Variants in RELN observed in about 807,000 individuals in gnomAD.
RELN encodes reelin.
Under a neutral mutation model 427.6 loss-of-function variants are expected in RELN, and 108 were observed. The ratio of observed to expected loss-of-function variants is 0.25; its 90% CI spans 0.22 to 0.30. The LOEUF (loss-of-function observed/expected upper bound fraction) is 0.30, where lower values mean the gene tolerates loss of function less well. RELN is among the 10% of genes least tolerant of loss of function. The probability of loss-of-function intolerance (pLI) is 1.00; values close to 1 mark genes in which losing one functional copy is unlikely to be tolerated. For synonymous variants in RELN, 1,524 were observed against 1,513.4 expected, an observed-to-expected ratio of 1.01 and a Z score of -0.16; for missense variants, 3,715 against 4,302.8, an observed-to-expected ratio of 0.86 and a Z score of 3.82.
chr7:103,701,031 T>G (rs1173939690), intron 8 of RELN, 25 bp from the exon 9 acceptor site: 1 of 1,384,962 alleles, frequency 7.2e-7, no homozygotes, highest in Non-Finnish European at 1.0e-6. Context: ...AACAATAAAT[T>G]TCAAGGTTAA....
chr7:103,943,234 G>A (rs1434922820), intron 1 of RELN, among the ~76,000 whole-genome samples: 1 of 152,144 alleles, frequency 6.6e-6, no homozygotes, highest in Admixed American at 6.5e-5. Context: ...GGTCATAGTG[G>A]ATGTAACAGG....
chr7:103,727,395 A>G (rs1019548299), intron 7 of RELN, among the ~76,000 whole-genome samples: 5 of 152,090 alleles, frequency 3.3e-5, no homozygotes, highest in Admixed American at 2.0e-4. Flanking sequence ...CTTTTATATT[A>G]TTTTCCAGAA....
intron 26 of RELN, 81 bp from the exon 27 acceptor site, chr7:103,593,963 C>CA: frequency 9.4e-7 from 1 of 1,063,870 alleles, no homozygotes; most frequent in African/African-American, 1.6e-5. Context: ...TCATGACATG[C>CA]TGGGCCATGT....
At chr7:103,895,120 T>C (rs1468810811) in intron 2 of RELN, among the ~76,000 whole-genome samples, 1 of 152,166 alleles carries the variant, frequency 6.6e-6, no homozygotes, top group Non-Finnish European at 1.5e-5. Flanking sequence ...TATTTTATCT[T>C]CCTGTTAATT....
intron 3 of RELN, among the ~76,000 whole-genome samples, chr7:103,795,142 GTA>G (rs1792269193): frequency 6.6e-6 from 1 of 152,144 alleles, no homozygotes; most frequent in Non-Finnish European, 1.5e-5. Flanking sequence ...AAGTCAATTT[GTA>G]TGGAACAATC....
At chr7:103,731,484 CCTT>C (rs1197953125) in intron 6 of RELN, among the ~76,000 whole-genome samples, 1 of 151,188 alleles carries the variant, frequency 6.6e-6, no homozygotes, top group Non-Finnish European at 1.5e-5. Flanking sequence ...CAAATCCTCT[CCTT>C]CTATTTTTTT....
At chr7:103,704,411 A>T (rs1480111594) in intron 8 of RELN, among the ~76,000 whole-genome samples, 2 of 152,182 alleles carry the variant, frequency 1.3e-5, no homozygotes, top group African/African-American at 4.8e-5. Context: ...AAAAAATAGG[A>T]ACACAGATTA....
intron 50 of RELN, among the ~76,000 whole-genome samples, chr7:103,511,281 CAAAAG>C (rs957912409): frequency 3.9e-5 from 6 of 151,922 alleles, no homozygotes; most frequent in African/African-American, 1.5e-4. Flanking sequence ...AAATGAAAAT[CAAAAG>C]GAAATAACTA....
At chr7:103,665,362 GTATA>G (rs781583835) in intron 11 of RELN, among the ~76,000 whole-genome samples, 8,438 of 90,820 alleles carry the variant, frequency 0.093, 279 homozygotes, top group East Asian at 0.19. Flanking sequence ...GTGTGTGTGT[GTATA>G]TATATATATA....
At chr7:103,489,203 G>GGTGTGTGT (rs3051647) in intron 60 of RELN, among the ~76,000 whole-genome samples, 6,760 of 147,834 alleles carry the variant, frequency 0.046, 215 homozygotes, top group African/African-American at 0.082. Flanking sequence ...GTCATAAAGG[G>GGTGTGTGT]GTGTGTGTGT....
chr7:103,593,395 A>G (rs1336191431), intron 27 of RELN, among the ~76,000 whole-genome samples: 1 of 152,214 alleles, frequency 6.6e-6, no homozygotes, highest in Non-Finnish European at 1.5e-5. Flanking sequence ...ATTAAGTCAC[A>G]ATCAGATTGA....
At chr7:103,879,992 TG>T (rs1584326277) in intron 2 of RELN, among the ~76,000 whole-genome samples, 2 of 152,222 alleles carry the variant, frequency 1.3e-5, no homozygotes, top group East Asian at 3.9e-4. Flanking sequence ...AAAAACTGCT[TG>T]TAAGCATTTT....
At position 103,572,219 on chromosome 7, in the gene RELN, C is replaced by T. The variant is rs1830898146; in HGVS notation, c.4553G>A (p.Gly1518Asp). Residue 1518 changes from glycine (G) to aspartate (D), a missense_variant, in exon 31 of 65, where the codon GGC (glycine) becomes GAC (aspartate). By Grantham distance (94) the Gly-to-Asp change is moderately conservative. Around this residue, in one of 4 missense-constraint regions of RELN, gnomAD observed 2,208 missense variants for 2,361.7 expected, o/e 0.93. Coordinates refer to ENST00000428762, the MANE Select transcript of RELN (RefSeq NM_005045.4). ...FYIQIGSKTS[G>D]ITCIKPRTRN... ...AGTTCTTGGTTTGATGCAGGTAATG[C>T]CTGAAGTTTTGCTTCCAATTTGTAT... 1.3e-6 allele frequency: 2 copies of T among 1,597,884 alleles called. No homozygotes were observed. Among genetic ancestry groups the T allele is most frequent in the Middle Eastern group, 1.7e-4 (1 of 6,048 alleles).
intron 2 of RELN, among the ~76,000 whole-genome samples, chr7:103,916,842 TG>T (rs1381005089): frequency 1.5e-4 from 23 of 152,070 alleles, no homozygotes; most frequent in Non-Finnish European, 3.2e-4. Flanking sequence ...ATTGCGGCAG[TG>T]GAGGGAGAGA....
chr7:103,589,683 T>A lies in RELN; in HGVS notation c.4058A>T (p.Glu1353Val). The A allele has an allele frequency of 6.2e-7, 1 of 1,614,120 alleles. No homozygotes were observed. Among genetic ancestry groups the A allele is most frequent in the South Asian group, 1.1e-5 (1 of 91,078 alleles). The part of the protein sequence containing the change: ...AGKGCEGNSR[E>V]LSEPTMYHTG... ...GTGATACATGGTGGGCTCACTTAGT[T>A]CTCTGGAGTTTCCTTCGCATCCTTT... The change falls in exon 28 of 65, where the codon GAA (glutamate) becomes GTA (valine). Residue 1353 changes from glutamate to valine, a missense_variant. By Grantham distance (121) the Glu-to-Val change is moderately radical (BLOSUM62 -2). This residue lies in a region of RELN where 2,208 missense variants were observed against 2,361.7 expected (regional missense o/e 0.93). Transcript: ENST00000428762.
chr7:103,590,094 A>C lies in RELN; in HGVS notation c.3913-266T>G, dbSNP rs362658. ...AGGAGAGAAGAGAGAAGCACAGTGT[A>C]TGTGGTTCTTGAGTCTCAGACAAAA... On this transcript the variant is annotated intron_variant, in intron 27 of 64. Transcript: ENST00000428762. Among the ~76,000 whole-genome samples, 114,616 of 152,134 alleles carry C rather than the reference A, an allele frequency of 0.75. 43,727 individuals are homozygous for C. The highest frequency in any genetic ancestry group is 0.86 in the African/African-American group (35,883 of 41,512).
chr7:103,734,503 T>C (rs976985617), intron 6 of RELN, among the ~76,000 whole-genome samples: 5 of 152,196 alleles, frequency 3.3e-5, no homozygotes, highest in Non-Finnish European at 7.3e-5. Flanking sequence ...TTAAAAGACA[T>C]TTTAAGGGAA....
At chr7:103,829,727 C>T (rs1285907383) in intron 3 of RELN, among the ~76,000 whole-genome samples, 11 of 151,894 alleles carry the variant, frequency 7.2e-5, no homozygotes, top group Admixed American at 1.3e-4. Context: ...AAGTGGTTTA[C>T]CAATAAAACA....
chr7:103,561,190 G>C (rs901278720), intron 36 of RELN, among the ~76,000 whole-genome samples: 1 of 152,108 alleles, frequency 6.6e-6, no homozygotes, highest in South Asian at 2.1e-4. Flanking sequence ...CGTTCATAAA[G>C]TCATTTAGAA....
Sources: gnomAD v4.1 joint callset for allele counts (sites outside exome capture counted in the v4.1 genomes callset) on GRCh38, gnomAD v4.1.1 for gene constraint, gnomAD v4.1.1 regional missense constraint, MANE v1.5 for transcripts, NCBI Gene and HGNC (gene_info 2026-07-23, HGNC 2026-07-21) for gene names.